The following CRADD variants were observed in gnomAD, a reference collection of about 807,000 sequenced individuals.
The protein encoded by CRADD is death domain-containing protein CRADD.
In CRADD, 9 loss-of-function variants were observed where a neutral mutation model predicts 15.5. That is an observed-to-expected ratio of 0.58 (90% CI 0.35 to 1.01). CRADD has a LOEUF of 1.01. Among genes scored for constraint, CRADD ranks in the 50% least tolerant of loss-of-function variants. The pLI, the probability that CRADD is intolerant of heterozygous loss-of-function variation, is 0.02. For synonymous variants in CRADD, 118 were observed against 107.6 expected, an observed-to-expected ratio of 1.10 and a Z score of -0.60; for missense variants, 227 against 250.3, an observed-to-expected ratio of 0.91 and a Z score of 0.63.
At chr12:93,879,385 C>T (rs1245896890) in intron 2 of CRADD, among the ~76,000 whole-genome samples, 1 of 152,150 alleles carries the variant, frequency 6.6e-6, no homozygotes, top group Non-Finnish European at 1.5e-5. Context: ...AGCTTTCAGG[C>T]TATAAGGTTG....
In CRADD at chr12:93,863,693, G is replaced by T. The variant is rs1004139356; in HGVS notation, c.299-30357G>T. Among the ~76,000 whole-genome samples the T allele has an allele frequency of 3.3e-5, 5 of 149,968 alleles. No individual in the cohort carries two copies. The South Asian group carries it at 8.5e-4, about 25-fold the overall frequency. The stretch of plus-strand genomic sequence containing the variant: ...GGGTTAGGGTTAGCATTACTGCCAT[G>T]TGATGGGCAGGGGCTGGGGATAATC... On this transcript the variant is annotated intron_variant, in intron 2 of 2. Coordinates refer to the CRADD transcript ENST00000548483.
Position 93,809,865 on chromosome 12 carries a change from C to T in CRADD, c.299-40105C>T, listed in dbSNP as rs560863447. On this transcript the variant is annotated intron_variant, in intron 2 of 2. Coordinates refer to ENST00000332896, the MANE Select transcript of CRADD (RefSeq NM_003805.5). ...CATGAATTTAGCCTCTTTTTGTATTCAACAGTCTCATCCCTTCCCCTCAAC... is the reference window on the plus strand; with the variant it reads ...CATGAATTTAGCCTCTTTTTGTATTTAACAGTCTCATCCCTTCCCCTCAAC... 5.3e-5 allele frequency among the ~76,000 whole-genome samples: 8 copies of T among 152,270 alleles called. 1 individual carries two copies. Among genetic ancestry groups the T allele is most frequent in the Admixed American group, 2.0e-4 (3 of 15,300 alleles).
chr12:93,717,573 G>A (rs1027661031), intron 2 of CRADD, among the ~76,000 whole-genome samples: 1 of 152,144 alleles, frequency 6.6e-6, no homozygotes, highest in Non-Finnish European at 1.5e-5. Flanking sequence ...AGGCTGGAGT[G>A]CAGTGGCATG....
intron 2 of CRADD, among the ~76,000 whole-genome samples, chr12:93,728,113 AAT>A (rs1476877318): frequency 6.6e-6 from 1 of 152,214 alleles, no homozygotes; most frequent in Non-Finnish European, 1.5e-5. Flanking sequence ...TTACGTGTTC[AAT>A]ACATGTTTGT....
At chr12:93,894,168 C>G in exon 3 of CRADD, 5 of 701,632 alleles carry the variant, frequency 7.1e-6, no homozygotes, top group Non-Finnish European at 1.3e-5. Flanking sequence ...CCTCTTTCCT[C>G]TACACCAGTG....
At chr12:93,736,604 G>C (rs932171098) in intron 2 of CRADD, among the ~76,000 whole-genome samples, 1 of 152,196 alleles carries the variant, frequency 6.6e-6, no homozygotes, top group African/African-American at 2.4e-5. Flanking sequence ...TGAGTTCCTT[G>C]AGTTCCACAT....
intron 2 of CRADD, among the ~76,000 whole-genome samples, chr12:93,835,481 G>A (rs747906977): frequency 6.1e-4 from 93 of 152,220 alleles, no homozygotes; most frequent in Non-Finnish European, 1.1e-3. Flanking sequence ...TTAGAGCTCT[G>A]TTGCTTGCTC....
intron 2 of CRADD, among the ~76,000 whole-genome samples, chr12:93,785,894 C>T (rs1957273251): frequency 6.6e-6 from 1 of 152,170 alleles, no homozygotes; most frequent in Non-Finnish European, 1.5e-5. Context: ...TACTTGATCT[C>T]AGTGATTGTA....
intron 2 of CRADD, among the ~76,000 whole-genome samples, chr12:93,710,633 C>T (rs1956048735): frequency 6.6e-6 from 1 of 152,168 alleles, no homozygotes. Flanking sequence ...GCGTGAACCA[C>T]CATGCCTGGC....
At chr12:93,780,423 A>G (rs543680307) in intron 2 of CRADD, among the ~76,000 whole-genome samples, 3 of 152,228 alleles carry the variant, frequency 2.0e-5, no homozygotes, top group Non-Finnish European at 2.9e-5. Context: ...TCCCATTTAC[A>G]GATGAGAAAA....
At chr12:93,711,239 A>C (rs114741073) in intron 2 of CRADD, among the ~76,000 whole-genome samples, 336 of 151,976 alleles carry the variant, frequency 2.2e-3, no homozygotes, top group African/African-American at 7.6e-3. Flanking sequence ...TCAGGAAAAG[A>C]AGCAAAAAGG....
intron 2 of CRADD, among the ~76,000 whole-genome samples, chr12:93,767,199 A>G (rs1957035453): frequency 6.6e-6 from 1 of 152,220 alleles, no homozygotes; most frequent in Non-Finnish European, 1.5e-5. Flanking sequence ...GATATTAACA[A>G]ATTTATTTAT....
chr12:93,728,448 A>G (rs944707228), intron 2 of CRADD, among the ~76,000 whole-genome samples: 3 of 152,250 alleles, frequency 2.0e-5, no homozygotes, highest in Admixed American at 6.5e-5. Flanking sequence ...AAATACGTCA[A>G]TATCACTTTT....
At chr12:93,819,211 A>T (rs1453619571) in intron 2 of CRADD, among the ~76,000 whole-genome samples, 1 of 152,244 alleles carries the variant, frequency 6.6e-6, no homozygotes, top group Non-Finnish European at 1.5e-5. Context: ...CAGAAGGAAT[A>T]AACACAGGGC....
intron 2 of CRADD, among the ~76,000 whole-genome samples, chr12:93,830,244 G>T (rs1421353815): frequency 6.6e-6 from 1 of 152,146 alleles, no homozygotes; most frequent in Non-Finnish European, 1.5e-5. Context: ...ACGCTTGGAA[G>T]GCTCCCAGAA....
rs752993084 is a variant in CRADD, at chr12:93,678,981, T to G, written c.207T>G (p.Phe69Leu). The change falls in exon 2 of 3, where the codon TTT becomes TTG. Residue 69 changes from phenylalanine (F) to leucine (L), a missense_variant. By Grantham distance (22) the Phe-to-Leu change is conservative. Transcript: ENST00000332896. ...DILPSRGPKA[F>L]DTFLDSLQEF... ...TACCTTCCAGGGGCCCTAAAGCATTTGATACATTCCTAGATTCCCTACAGG... is the reference window on the plus strand; with the variant it reads ...TACCTTCCAGGGGCCCTAAAGCATTGGATACATTCCTAGATTCCCTACAGG... The G allele has an allele frequency of 6.2e-7, 1 of 1,614,046 alleles. No individual in the cohort carries two copies.
At chr12:93,773,484 A>G (rs918459883) in intron 2 of CRADD, among the ~76,000 whole-genome samples, 1 of 152,182 alleles carries the variant, frequency 6.6e-6, no homozygotes, top group Non-Finnish European at 1.5e-5. Flanking sequence ...ACCACATGGA[A>G]CGGTAAGTCC....
chr12:93,678,805 T>C lies in CRADD; in HGVS notation c.31T>C (p.Ser11Pro). 1.2e-6 allele frequency: 2 copies of C among 1,614,058 alleles called. No individual in the cohort carries two copies. The highest frequency in any genetic ancestry group is 1.7e-6 in the Non-Finnish European group (2 of 1,179,994). Residue 11 changes from serine to proline, a missense_variant, in exon 2 of 3, where the codon TCA becomes CCA. Physicochemically the swap from Ser to Pro is moderately conservative, Grantham distance 74 (BLOSUM62 -1). Transcript: ENST00000332896. ...GGCCAGAGACAAACAAGTACTCCGCTCACTTCGCCTGGAGCTGGGTGCAGA... is the reference window on the plus strand; with the variant it reads ...GGCCAGAGACAAACAAGTACTCCGCCCACTTCGCCTGGAGCTGGGTGCAGA... MEARDKQVLR[S>P]LRLELGAEVL...
intron 2 of CRADD, chr12:93,738,484 C>G (rs1488984047): frequency 1.4e-6 from 1 of 701,950 alleles, no homozygotes; most frequent in African/African-American, 1.7e-5. Context: ...CAGAGTAGGC[C>G]CCTTCACTGG....
Sources: allele counts gnomAD v4.1 joint callset (sites outside exome capture counted in the v4.1 genomes callset), GRCh38; gene constraint gnomAD v4.1.1; transcripts MANE v1.5; gene names NCBI Gene and HGNC (gene_info 2026-07-23, HGNC 2026-07-21).